ZFR: variants seen among roughly 807,000 people sequenced by gnomAD.
ZFR encodes the protein zinc finger RNA-binding protein.
Under a neutral mutation model 130.7 loss-of-function variants are expected in ZFR, and 19 were observed. The observed-to-expected ratio is 0.15, with a 90% CI of 0.10 to 0.21. ZFR has a LOEUF of 0.21. Ranked by LOEUF, ZFR falls within the 10% of genes least tolerant of loss-of-function variation. The pLI is 1.00. For synonymous variants in ZFR, 466 were observed against 456.9 expected (o/e 1.02, Z -0.25); for missense variants, 872 against 1,321.5 (o/e 0.66, Z 5.27).
intron 5 of ZFR, 42 bp from the exon 6 acceptor site, chr5:32,407,063 T>C (rs1052589660): frequency 5.7e-6 from 8 of 1,393,638 alleles, no homozygotes; most frequent in African/African-American, 2.9e-5. Flanking sequence ...TACATACTTA[T>C]AGAAGGACAA....
chr5:32,406,894 T>C lies in ZFR; in HGVS notation c.912A>G (p.Thr304=). The change falls in exon 6 of 20, where the codon ACA becomes ACG. Residue 304 remains threonine (T), a synonymous_variant. Coordinates refer to ENST00000265069, the MANE Select transcript of ZFR (RefSeq NM_016107.5). Reference sequence around the variant, plus strand: ...GTGCTTTTTTAGTAAAGGTGGTCCCTGTCCAGGCAGCTGTTGCAGCAGCAG... The same window carrying C: ...GTGCTTTTTTAGTAAAGGTGGTCCCCGTCCAGGCAGCTGTTGCAGCAGCAG... ...AAAAAATAAW[T]GTTFTKKAPF... The C allele has an allele frequency of 6.2e-7, 1 of 1,613,732 alleles. No homozygotes were observed. The highest frequency in any genetic ancestry group is 8.5e-7 in the Non-Finnish European group (1 of 1,179,926).
At chr5:32,418,457 T>C (rs757816780) in intron 3 of ZFR, among the ~76,000 whole-genome samples, 2 of 152,184 alleles carry the variant, frequency 1.3e-5, no homozygotes, top group African/African-American at 4.8e-5. Flanking sequence ...AACTTTGTAA[T>C]TGCTCCTTTT....
At chr5:32,379,425 T>A in intron 16 of ZFR, 1 of 547,124 alleles carries the variant, frequency 1.8e-6, no homozygotes, top group Non-Finnish European at 3.3e-6. Flanking sequence ...GTAAACAGAT[T>A]ATACAAGAAT....
intron 19 of ZFR, among the ~76,000 whole-genome samples, chr5:32,358,149 G>C (rs1225899692): frequency 1.3e-5 from 2 of 152,200 alleles, no homozygotes; most frequent in African/African-American, 4.8e-5. Context: ...CTTAAGTCAG[G>C]AGTTTGAGAC....
chr5:32,400,258 C>A, intron 8 of ZFR, 55 bp from the exon 9 acceptor site: 1 of 1,274,464 alleles, frequency 7.8e-7, no homozygotes, highest in Non-Finnish European at 1.0e-6. Context: ...AATATATATA[C>A]CTGATAAGAC....
intron 2 of ZFR, among the ~76,000 whole-genome samples, chr5:32,442,713 T>C (rs1329599019): frequency 6.6e-6 from 1 of 152,006 alleles, no homozygotes; most frequent in Non-Finnish European, 1.5e-5. Flanking sequence ...GTGTCTTAAC[T>C]GGCAGCATTT....
chr5:32,403,225 A>G lies in ZFR; in HGVS notation c.1397T>C (p.Met466Thr), dbSNP rs773804522. ...GTTTCCTGTAGTCGTAAGACCCTTCATTGAAGACGTTGCAACTGATGACGT... is the reference window on the plus strand; with the variant it reads ...GTTTCCTGTAGTCGTAAGACCCTTCGTTGAAGACGTTGCAACTGATGACGT... ...VNTSSVATSS[M>T]KGLTTTGNSS... Residue 466 changes from methionine (M) to threonine (T), a missense_variant, in exon 8 of 20, where the codon ATG becomes ACG. By Grantham distance (81) the Met-to-Thr change is moderately conservative (BLOSUM62 -1). Transcript: ENST00000265069. 5.1e-5 allele frequency: 82 copies of G among 1,614,118 alleles called. No homozygotes were observed. Among genetic ancestry groups the G allele is most frequent in the Non-Finnish European group, 5.8e-5 (68 of 1,180,046 alleles).
intron 2 of ZFR, among the ~76,000 whole-genome samples, chr5:32,433,711 T>A (rs1754271403): frequency 1.3e-5 from 2 of 152,250 alleles, no homozygotes; most frequent in Admixed American, 1.3e-4. Context: ...ATCACTTTTA[T>A]ATAAAGCATC....
At chr5:32,378,253 C>T (rs1752867076) in intron 17 of ZFR, among the ~76,000 whole-genome samples, 1 of 152,122 alleles carries the variant, frequency 6.6e-6, no homozygotes, top group Non-Finnish European at 1.5e-5. Flanking sequence ...ACCTAAATGT[C>T]TATCAAATGA....
At chr5:32,413,010 G>A (rs548557247) in intron 5 of ZFR, among the ~76,000 whole-genome samples, 8 of 152,180 alleles carry the variant, frequency 5.3e-5, no homozygotes, top group East Asian at 1.9e-4. Flanking sequence ...CCAACATGGC[G>A]AAACCCTGTC....
At chr5:32,441,607 G>A (rs1296490141) in intron 2 of ZFR, among the ~76,000 whole-genome samples, 1 of 151,670 alleles carries the variant, frequency 6.6e-6, no homozygotes. Flanking sequence ...AAAAATATTA[G>A]TAAAGTAGAC....
intron 15 of ZFR, chr5:32,383,897 G>A (rs1203758230): frequency 2.6e-5 from 11 of 428,402 alleles, no homozygotes; most frequent in Admixed American, 2.3e-4. Context: ...GTGTCTTGAA[G>A]CAAAATCTTT....
At chr5:32,444,526 C>A in intron 1 of ZFR, 96 bp downstream of exon 1, 1 of 1,379,126 alleles carries the variant, frequency 7.3e-7, no homozygotes, top group Non-Finnish European at 9.4e-7. Flanking sequence ...CGGCCGCCGC[C>A]TCCTCCCCGG....
chr5:32,418,138 T>C (rs571173649), intron 3 of ZFR, among the ~76,000 whole-genome samples: 4 of 151,926 alleles, frequency 2.6e-5, no homozygotes, highest in Non-Finnish European at 2.9e-5. Flanking sequence ...CAGGCACCTG[T>C]AGTCCCAGCT....
At chr5:32,388,379 G>C (rs3811972) in intron 13 of ZFR, 90 bp downstream of exon 13, 389,191 of 1,211,532 alleles carry the variant, frequency 0.32, 64,912 homozygotes, top group Middle Eastern at 0.48. Context: ...ACTCACACCA[G>C]AGTTACCAGT....
At chr5:32,442,416 C>T (rs1754494533) in intron 2 of ZFR, among the ~76,000 whole-genome samples, 1 of 152,052 alleles carries the variant, frequency 6.6e-6, no homozygotes, top group Admixed American at 6.6e-5. Flanking sequence ...CCACTTGTAC[C>T]CCAAAAAGCT....
chr5:32,423,376 G>C (rs1014471861), intron 2 of ZFR, among the ~76,000 whole-genome samples: 1 of 151,678 alleles, frequency 6.6e-6, no homozygotes, highest in Non-Finnish European at 1.5e-5. Context: ...AAAATGAACA[G>C]ACAACACAAA....
chr5:32,403,086 C>A lies in ZFR; in HGVS notation c.1516+20G>T, dbSNP rs1753503485. 1 of 1,607,636 alleles carries A rather than the reference C, an allele frequency of 6.2e-7. No individual in the cohort carries two copies. Among genetic ancestry groups the A allele is most frequent in the Non-Finnish European group, 8.5e-7 (1 of 1,176,068 alleles). ...AACACTTTGACAGAGTCAGCAGGGA[C>A]AGAGAATATCAGTACTTGCCAACAA... On this transcript the variant is annotated intron_variant, in intron 8 of 19. Transcript: ENST00000265069.
chr5:32,374,898 A>G (rs956065757), intron 17 of ZFR, among the ~76,000 whole-genome samples: 2 of 152,212 alleles, frequency 1.3e-5, no homozygotes, highest in African/African-American at 4.8e-5. Flanking sequence ...ATTTTTATAA[A>G]CTGACAAGAA....
Sources: gnomAD v4.1 joint callset for allele counts (sites outside exome capture counted in the v4.1 genomes callset) on GRCh38, gnomAD v4.1.1 for gene constraint, MANE v1.5 for transcripts, NCBI Gene and HGNC (gene_info 2026-07-23, HGNC 2026-07-21) for gene names.